COL14A1: variants seen among roughly 807,000 people sequenced by gnomAD.
COL14A1 encodes the protein collagen alpha-1(XIV) chain.
A neutral mutation model predicts 230.3 loss-of-function variants in COL14A1; 136 were observed. The observed-to-expected ratio is 0.59, with a 90% confidence interval of 0.51 to 0.68. The LOEUF (loss-of-function observed/expected upper bound fraction) is 0.68. Among genes scored for constraint, COL14A1 ranks in the 30% least tolerant of loss-of-function variants. The pLI, the probability that COL14A1 is intolerant of heterozygous loss-of-function variation, is 0.00. For synonymous variants in COL14A1, 792 were observed against 784.1 expected (o/e 1.01, Z -0.17); for missense variants, 1,976 against 2,215.8 (o/e 0.89, Z 2.17).
chr8:120,142,717 T>C (rs76315210), intron 1 of COL14A1, among the ~76,000 whole-genome samples: 19,364 of 152,180 alleles, frequency 0.13, 1,527 homozygotes, highest in South Asian at 0.17. Context: ...AACTAGTACA[T>C]TCTTTAATTT....
intron 36 of COL14A1, among the ~76,000 whole-genome samples, chr8:120,302,896 T>C (rs1050834001): frequency 4.6e-5 from 7 of 152,208 alleles, no homozygotes; most frequent in Non-Finnish European, 1.0e-4. Flanking sequence ...TCCATTTGTT[T>C]ATGTCATCTC....
chr8:120,260,254 A>G (rs1325055024), intron 23 of COL14A1, among the ~76,000 whole-genome samples: 1 of 152,182 alleles, frequency 6.6e-6, no homozygotes, highest in South Asian at 2.1e-4. Flanking sequence ...ATTTAAAATA[A>G]CATATATCAT....
At chr8:120,340,699 A>G (rs1822264699) in intron 42 of COL14A1, among the ~76,000 whole-genome samples, 1 of 152,184 alleles carries the variant, frequency 6.6e-6, no homozygotes, top group African/African-American at 2.4e-5. Flanking sequence ...AAGGTTTCTT[A>G]TGGGTGAAAG....
chr8:120,155,571 A>G (rs574880184), intron 2 of COL14A1, among the ~76,000 whole-genome samples: 4 of 152,242 alleles, frequency 2.6e-5, no homozygotes, highest in African/African-American at 4.8e-5. Flanking sequence ...AATGGAATCA[A>G]TGATTCTCTT....
At chr8:120,323,575 TCTTG>T (rs1386382690) in intron 40 of COL14A1, among the ~76,000 whole-genome samples, 8 of 152,220 alleles carry the variant, frequency 5.3e-5, no homozygotes, top group Non-Finnish European at 1.2e-4. Context: ...TTTTAATCCA[TCTTG>T]AGTTAATATT....
intron 40 of COL14A1, among the ~76,000 whole-genome samples, chr8:120,327,556 AAAATG>A (rs1821721140): frequency 6.6e-6 from 1 of 152,130 alleles, no homozygotes; most frequent in Admixed American, 6.5e-5. Context: ...AGCTTTTACT[AAAATG>A]AAATTTCAGC....
chr8:120,277,814 T>C (rs1357956909), intron 26 of COL14A1: 2 of 171,196 alleles, frequency 1.2e-5, no homozygotes, highest in African/African-American at 4.8e-5. Context: ...GGAACTATGC[T>C]CACTACCTGG....
intron 24 of COL14A1, among the ~76,000 whole-genome samples, chr8:120,265,557 AATATTTCCTTTTCACACACACAT>A (rs2129787077): frequency 6.6e-6 from 1 of 151,922 alleles, no homozygotes; most frequent in Non-Finnish European, 1.5e-5. Context: ...CCTTTTCAGA[AATATTTCCTTTTCACACACACAT>A]ATATATACAT....
intron 18 of COL14A1, among the ~76,000 whole-genome samples, chr8:120,230,714 G>A (rs1818240798): frequency 6.6e-6 from 1 of 152,044 alleles, no homozygotes; most frequent in African/African-American, 2.4e-5. Flanking sequence ...AAAAACCAAA[G>A]CCCTAACAGT....
chr8:120,228,811 T>G (rs373561373), intron 18 of COL14A1, 42 bp downstream of exon 18: 1 of 1,519,824 alleles, frequency 6.6e-7, no homozygotes, highest in South Asian at 1.1e-5. Context: ...TTAAAAATTT[T>G]CTTTAAACAG....
chr8:120,276,776 T>C (rs1458945110), intron 26 of COL14A1, among the ~76,000 whole-genome samples: 1 of 151,750 alleles, frequency 6.6e-6, no homozygotes, highest in Non-Finnish European at 1.5e-5. Context: ...ATGGCACATG[T>C]ATACATATGT....
intron 22 of COL14A1, among the ~76,000 whole-genome samples, chr8:120,251,256 CAAAT>C (rs1223285323): frequency 6.6e-6 from 1 of 152,138 alleles, no homozygotes; most frequent in Non-Finnish European, 1.5e-5. Context: ...ACCTGGCTTT[CAAAT>C]AGACTTGATG....
Position 120,231,512 on chromosome 8 carries a change from C to T in COL14A1, c.2243C>T (p.Thr748Ile), listed in dbSNP as rs1436732403. The T allele has an allele frequency of 5.0e-6, 8 of 1,614,028 alleles. No homozygotes were observed. Among genetic ancestry groups the T allele is most frequent in the East Asian group, 2.2e-5 (1 of 44,872 alleles). Residue 748 changes from threonine to isoleucine, a missense_variant, in exon 19 of 48, where the codon ACT becomes ATT. Thr to Ile is a moderately conservative substitution (Grantham distance 89, BLOSUM62 -1). Coordinates refer to ENST00000297848, the MANE Select transcript of COL14A1 (RefSeq NM_021110.4). The stretch of plus-strand genomic sequence containing the variant: ...AACCTAGTTGTAGGTGATGAAACTA[C>T]TTCTAGCCTGCGGGTAAAATGGGAC... ...IRNLVVGDET[T>I]SSLRVKWDIS...
rs1820107213 is a variant in COL14A1, at chr8:120,283,645, C to T, written c.3834C>T (p.His1278=). ...ALVSQPTRYL[H]PEGLPSDYTI... is the part of the protein sequence containing the mutation. ...TTCTTTCTATGTTCAGGTACTTGCA[C>T]CCAGAAGGATTGCCCTCCGACTACA... Residue 1278 remains histidine (H), a synonymous_variant, in exon 32 of 48, where the codon CAC becomes CAT. Transcript: ENST00000297848. 1 of 1,609,482 alleles carries T rather than the reference C, an allele frequency of 6.2e-7. No homozygotes were observed. The highest frequency in any genetic ancestry group is 8.5e-7 in the Non-Finnish European group (1 of 1,178,674).
chr8:120,288,329 A>T (rs1820270452), intron 33 of COL14A1, among the ~76,000 whole-genome samples: 1 of 152,130 alleles, frequency 6.6e-6, no homozygotes, highest in Admixed American at 6.6e-5. Context: ...CTGTTGACTT[A>T]CATTATTTGT....
chr8:120,320,882 A>G (rs1821415179), intron 40 of COL14A1, among the ~76,000 whole-genome samples: 1 of 152,210 alleles, frequency 6.6e-6, no homozygotes, highest in South Asian at 2.1e-4. Context: ...TGCAATTATG[A>G]TGTTCTCTAG....
intron 14 of COL14A1, among the ~76,000 whole-genome samples, chr8:120,216,825 C>T (rs1817765757): frequency 1.3e-5 from 2 of 152,194 alleles, no homozygotes; most frequent in Admixed American, 1.3e-4. Context: ...TCACATGATG[C>T]CTTCAGCATG....
intron 42 of COL14A1, among the ~76,000 whole-genome samples, chr8:120,338,678 A>AAC (rs1822173097): frequency 1.3e-5 from 2 of 152,250 alleles, no homozygotes. Context: ...TAGCTGAGTT[A>AAC]ACATGCTAAG....
In COL14A1 at chr8:120,222,764, A is replaced by G. The variant is rs535834116; in HGVS notation, c.1738-2324A>G. Among the ~76,000 whole-genome samples the G allele has an allele frequency of 5.5e-5, 7 of 128,266 alleles. No homozygotes were observed. In the South Asian group the frequency reaches 7.3e-4, roughly 13 times the overall value. 84.1% of individuals were successfully genotyped at this position (128,266 alleles called of 152,430 possible). A position where few individuals can be genotyped will look rare whatever the true frequency, so the allele number is the denominator to read the frequency against. On this transcript the variant is annotated intron_variant, in intron 14 of 47. Transcript: ENST00000297848. ...ATCTTCATTTTAATTTACTTATTCT[A>G]TTCACTCAAAAAAAAATAATTCAAC...
Sources: allele counts gnomAD v4.1 joint callset (sites outside exome capture counted in the v4.1 genomes callset), GRCh38; gene constraint gnomAD v4.1.1; transcripts MANE v1.5; gene names NCBI Gene and HGNC (gene_info 2026-07-23, HGNC 2026-07-21).